ZNF423: variants seen among roughly 807,000 people sequenced by gnomAD.
ZNF423 encodes Ebf-associated zinc finger protein.
In ZNF423, 12 loss-of-function variants were observed where a neutral mutation model predicts 95.8. The observed-to-expected ratio is 0.13, with a 90% CI of 0.08 to 0.20. The LOEUF (loss-of-function observed/expected upper bound fraction) is 0.20, where lower values mean the gene tolerates loss of function less well. Ranked by LOEUF, ZNF423 falls within the 10% of genes least tolerant of loss-of-function variation. The pLI is 1.00. For synonymous variants in ZNF423, 749 were observed against 711.9 expected, an observed-to-expected ratio of 1.05 and a Z score of -0.83; for missense variants, 1,316 against 1,737.1, an observed-to-expected ratio of 0.76 and a Z score of 4.31.
chr16:49,850,267 CT>C (rs2144122847), intron 1 of ZNF423, among the ~76,000 whole-genome samples: 1 of 152,308 alleles, frequency 6.6e-6, no homozygotes, highest in East Asian at 1.9e-4. Flanking sequence ...GCCCCAAAAA[CT>C]TCAAGCGGGA....
At chr16:49,831,864 G>A (rs1382986849) in intron 1 of ZNF423, among the ~76,000 whole-genome samples, 1 of 152,078 alleles carries the variant, frequency 6.6e-6, no homozygotes, top group East Asian at 1.9e-4. Flanking sequence ...AGCCAGGCAT[G>A]GTGGGGCGTG....
intron 3 of ZNF423, among the ~76,000 whole-genome samples, chr16:49,721,111 G>A (rs2032853560): frequency 6.6e-6 from 1 of 152,220 alleles, no homozygotes; most frequent in African/African-American, 2.4e-5. Flanking sequence ...AGTGTCTCTG[G>A]AGGCCCTGGA....
At chr16:49,796,381 A>G (rs2034498844) in intron 1 of ZNF423, among the ~76,000 whole-genome samples, 1 of 152,210 alleles carries the variant, frequency 6.6e-6, no homozygotes, top group Admixed American at 6.5e-5. Flanking sequence ...CCTGGAGAGT[A>G]ATGCCCTCCA....
chr16:49,825,282 G>A (rs1049123841), intron 1 of ZNF423, among the ~76,000 whole-genome samples: 2 of 152,148 alleles, frequency 1.3e-5, no homozygotes, highest in African/African-American at 2.4e-5. Context: ...GCAAAAGGAA[G>A]AGAGATAGGG....
chr16:49,618,425 G>C (rs1971950263), intron 5 of ZNF423, among the ~76,000 whole-genome samples: 1 of 152,160 alleles, frequency 6.6e-6, no homozygotes, highest in African/African-American at 2.4e-5. Flanking sequence ...CACGTGTCGA[G>C]AGAGGAAGGT....
chr16:49,547,079 T>C (rs148921278), intron 5 of ZNF423, among the ~76,000 whole-genome samples: 327 of 152,010 alleles, frequency 2.2e-3, no homozygotes, highest in Non-Finnish European at 3.6e-3. Flanking sequence ...TTGTAAACTT[T>C]AGAGAAATCA....
intron 5 of ZNF423, among the ~76,000 whole-genome samples, chr16:49,533,100 G>C (rs1022642370): frequency 3.9e-5 from 6 of 152,192 alleles, no homozygotes; most frequent in African/African-American, 1.4e-4. Context: ...GGCCCACCAA[G>C]GGACGGCCTC....
chr16:49,698,094 C>T lies in ZNF423; in HGVS notation c.301+32677G>A, dbSNP rs78848534. 5.0e-3 allele frequency among the ~76,000 whole-genome samples: 765 copies of T among 152,318 alleles called. 5 individuals are homozygous for T. The highest frequency in any genetic ancestry group is 0.018 in the African/African-American group (741 of 41,562). On this transcript the variant is annotated intron_variant, in intron 3 of 7. Transcript: ENST00000563137. Reference sequence around the variant, plus strand: ...GAGTGCGGCACTCTTACAAAGACATCGATTTTCTTCCTTCCCTTCCAGAGC... The same window carrying T: ...GAGTGCGGCACTCTTACAAAGACATTGATTTTCTTCCTTCCCTTCCAGAGC...
At chr16:49,808,199 C>T (rs2034695810) in intron 1 of ZNF423, among the ~76,000 whole-genome samples, 1 of 152,006 alleles carries the variant, frequency 6.6e-6, no homozygotes, top group South Asian at 2.1e-4. Flanking sequence ...GTAGCTGGGA[C>T]TACAGATGTG....
At chr16:49,739,627 C>A (rs1226541934) in intron 2 of ZNF423, among the ~76,000 whole-genome samples, 1 of 151,868 alleles carries the variant, frequency 6.6e-6, no homozygotes, top group Non-Finnish European at 1.5e-5. Context: ...AAAAACGGTC[C>A]AGGAAGATAC....
Position 49,594,143 on chromosome 16 carries a change from G to A in ZNF423, c.3601+32027C>T, listed in dbSNP as rs114894246. Among the ~76,000 whole-genome samples the A allele has an allele frequency of 6.1e-3, 933 of 152,228 alleles. 15 individuals are homozygous for A. The highest frequency in any genetic ancestry group is 0.021 in the African/African-American group (860 of 41,532). ...GGTAAACAGAAGTGGGGACATATCT[G>A]GATTAAGAACCCAGAGCAGTAAATG... On this transcript the variant is annotated intron_variant, in intron 5 of 7. Transcript: ENST00000563137.
At chr16:49,640,609 G>A (rs1378095596) in intron 3 of ZNF423, 3 of 139,508 alleles carry the variant, frequency 2.2e-5, no homozygotes, top group East Asian at 2.3e-4. Flanking sequence ...CCCCCGCAGC[G>A]CTGATTGTGT....
At chr16:49,774,737 G>C (rs995339884) in intron 2 of ZNF423, among the ~76,000 whole-genome samples, 1 of 152,272 alleles carries the variant, frequency 6.6e-6, no homozygotes, top group East Asian at 1.9e-4. Flanking sequence ...TCTGGGCAAG[G>C]GGAGGAGGGG....
At chr16:49,719,499 G>A (rs1057317863) in intron 3 of ZNF423, among the ~76,000 whole-genome samples, 8 of 152,188 alleles carry the variant, frequency 5.3e-5, no homozygotes, top group African/African-American at 1.7e-4. Flanking sequence ...CTGGCTCTGT[G>A]TCCCCACCCA....
chr16:49,600,391 A>G (rs1971327508), intron 5 of ZNF423, among the ~76,000 whole-genome samples: 1 of 152,136 alleles, frequency 6.6e-6, no homozygotes, highest in Admixed American at 6.5e-5. Context: ...TGGAGGCAGC[A>G]AGGACCCTCA....
chr16:49,593,234 A>T (rs956818032), intron 5 of ZNF423, among the ~76,000 whole-genome samples: 9 of 152,222 alleles, frequency 5.9e-5, no homozygotes, highest in East Asian at 5.8e-4. Flanking sequence ...AGAGTTCAAG[A>T]CCAGCCTGGG....
chr16:49,681,413 A>C (rs2031349420), intron 3 of ZNF423, among the ~76,000 whole-genome samples: 1 of 152,216 alleles, frequency 6.6e-6, no homozygotes, highest in Non-Finnish European at 1.5e-5. Flanking sequence ...TTTTGGGGAT[A>C]CAGAGAGGGG....
At chr16:49,771,099 G>A (rs561881865) in intron 2 of ZNF423, among the ~76,000 whole-genome samples, 1 of 151,846 alleles carries the variant, frequency 6.6e-6, no homozygotes, top group South Asian at 2.1e-4. Flanking sequence ...TCAGGAGTAA[G>A]ACTAAGCATA....
At chr16:49,806,490 T>C (rs999083456) in intron 1 of ZNF423, among the ~76,000 whole-genome samples, 1 of 152,274 alleles carries the variant, frequency 6.6e-6, no homozygotes, top group Admixed American at 6.5e-5. Context: ...AATGTTTTTT[T>C]ACAACCCCTT....
Sources: allele counts gnomAD v4.1 joint callset (sites outside exome capture counted in the v4.1 genomes callset), GRCh38; gene constraint gnomAD v4.1.1; transcripts MANE v1.5; gene names NCBI Gene and HGNC (gene_info 2026-07-23, HGNC 2026-07-21).